Variants in AP3D1 observed in about 807,000 individuals in gnomAD.
AP3D1 encodes adaptor related protein complex 3 subunit delta 1.
A neutral mutation model predicts 147.6 loss-of-function variants in AP3D1; 51 were observed. The ratio of observed to expected loss-of-function variants is 0.35; its 90% CI spans 0.28 to 0.44. The LOEUF is 0.44. Among genes scored for constraint, AP3D1 ranks in the 20% least tolerant of loss-of-function variants. AP3D1 has a pLI of 1.00. For missense variants in AP3D1, 1,421 were observed against 1,624.2 expected (o/e 0.87, Z 2.15); for synonymous variants, 760 against 663.0 (o/e 1.15, Z -2.25).
chr19:2,163,274 A>G (rs956009414), intron 1 of AP3D1, among the ~76,000 whole-genome samples: 4 of 152,034 alleles, frequency 2.6e-5, no homozygotes, highest in Admixed American at 6.6e-5. Context: ...GGGTTTCACC[A>G]TGTTGGCCAG....
At position 2,132,518 on chromosome 19, in the gene AP3D1, CG is replaced by C. The variant is rs1568298547; in HGVS notation, c.414del (p.Phe138LeufsTer15). On this transcript the variant is annotated frameshift_variant, in exon 5 of 32. Transcript: ENST00000643116. LOFTEE classifies it high-confidence loss of function. ...TGVALTGLSC[F>X]VTPDLARDLA... The stretch of plus-strand genomic sequence containing the variant: ...AGGTCTCTGGCAAGGTCTGGGGTGA[CG>C]AAGCAGGACAGACCCGTCAGTGCAA... 6.2e-7 allele frequency: 1 copy of C among 1,611,258 alleles called. No homozygotes were observed. The highest frequency in any genetic ancestry group is 8.5e-7 in the Non-Finnish European group (1 of 1,177,708).
chr19:2,146,921 G>A (rs2019371455), intron 1 of AP3D1, among the ~76,000 whole-genome samples: 1 of 152,184 alleles, frequency 6.6e-6, no homozygotes, highest in African/African-American at 2.4e-5. Context: ...GTGGGGGCGG[G>A]GATGCTGCTC....
chr19:2,128,030 C>T lies in AP3D1; in HGVS notation c.807-829G>A, dbSNP rs190980647. Among the ~76,000 whole-genome samples the T allele has an allele frequency of 4.1e-3, 624 of 152,316 alleles. 7 individuals carry two copies. The highest frequency in any genetic ancestry group is 0.014 in the African/African-American group (573 of 41,562). On this transcript the variant is annotated intron_variant, in intron 8 of 31. Coordinates refer to ENST00000643116, the MANE Select transcript of AP3D1 (RefSeq NM_001261826.3). Reference sequence around the variant, plus strand: ...ACATGGTGAAATGTACTAATGACACCCTTCTGTGAATGTGTCCTTGTTGCC... The same window carrying T: ...ACATGGTGAAATGTACTAATGACACTCTTCTGTGAATGTGTCCTTGTTGCC...
rs568784323 is a variant in AP3D1 at position 2,113,337 on chromosome 19, G to A, written c.2678C>T (p.Thr893Met). The A allele has an allele frequency of 2.9e-5, 41 of 1,410,310 alleles. No homozygotes were observed. Among genetic ancestry groups the A allele is most frequent in the Non-Finnish European group, 3.9e-5 (41 of 1,051,116 alleles). 87.4% of individuals were successfully genotyped at this position (1,410,310 alleles called of 1,614,324 possible). The change falls in exon 23 of 32, where the codon ACG becomes ATG. Residue 893 changes from threonine (T) to methionine (M), a missense_variant and splice_region_variant. Transcript: ENST00000643116. The stretch of plus-strand genomic sequence containing the variant: ...ACTGGCCAGCTGCCAGTCTCTTACC[G>A]TGGATGGAACGGGGGCGGGGGCGGG... The part of the protein sequence containing the change: ...PAPAPAPVPS[T>M]GELSVNTVTT...
At chr19:2,119,038 GGA>G (rs2018537934) in intron 14 of AP3D1, among the ~76,000 whole-genome samples, 1 of 152,218 alleles carries the variant, frequency 6.6e-6, no homozygotes, top group Non-Finnish European at 1.5e-5. Context: ...GCAGAGATGT[GGA>G]GATGACAGAG....
intron 18 of AP3D1, 57 bp from the exon 19 acceptor site, chr19:2,115,670 A>G: frequency 6.4e-7 from 1 of 1,556,974 alleles, no homozygotes. Context: ...CACGTGCAAG[A>G]CAAGCCTCGG....
intron 1 of AP3D1, among the ~76,000 whole-genome samples, chr19:2,159,000 ATT>A (rs34091780): frequency 1.3e-5 from 2 of 149,026 alleles, no homozygotes; most frequent in Non-Finnish European, 3.0e-5. Context: ...TTCTGTTATA[ATT>A]TTTTTTTTTA....
intron 1 of AP3D1, chr19:2,164,186 TG>T (rs1268868586): frequency 2.7e-6 from 3 of 1,126,320 alleles, no homozygotes; most frequent in Non-Finnish European, 1.1e-6. Context: ...CGCGCGGACA[TG>T]GGGGAGAAGC....
At chr19:2,161,508 T>C (rs920343107) in intron 1 of AP3D1, among the ~76,000 whole-genome samples, 16 of 152,102 alleles carry the variant, frequency 1.1e-4, no homozygotes, top group African/African-American at 3.6e-4. Context: ...TAGATAAAAG[T>C]TCTTTTTTTT....
At chr19:2,117,078 G>T in intron 16 of AP3D1, 144 bp downstream of exon 16, 3 of 1,088,752 alleles carry the variant, frequency 2.8e-6, no homozygotes, top group Non-Finnish European at 3.8e-6. Context: ...GTGAGTCCGT[G>T]TGAGGGATAT....
intron 1 of AP3D1, among the ~76,000 whole-genome samples, chr19:2,160,290 G>A (rs180934981): frequency 2.0e-3 from 297 of 152,210 alleles, no homozygotes; most frequent in African/African-American, 6.9e-3. Flanking sequence ...CACCTTGGGA[G>A]ACCAAAGCAG....
chr19:2,116,947 A>G, intron 16 of AP3D1: 2 of 881,752 alleles, frequency 2.3e-6, no homozygotes, highest in East Asian at 5.7e-5. Context: ...GCAGGGTCAC[A>G]GTGGGGCCCC....
At chr19:2,137,553 T>G (rs540336012) in intron 3 of AP3D1, among the ~76,000 whole-genome samples, 174 bp downstream of exon 3, 1 of 152,232 alleles carries the variant, frequency 6.6e-6, no homozygotes, top group African/African-American at 2.4e-5. Flanking sequence ...CAACCTCAGG[T>G]GATCCGCCTG....
At chr19:2,131,679 G>A (rs1356232484) in intron 5 of AP3D1, among the ~76,000 whole-genome samples, 2 of 75,318 alleles carry the variant, frequency 2.7e-5, no homozygotes. Context: ...CGGGGACTGC[G>A]CCCATCGGCC....
chr19:2,104,254 C>T (rs1399964347), intron 31 of AP3D1, among the ~76,000 whole-genome samples: 6 of 150,900 alleles, frequency 4.0e-5, no homozygotes, highest in South Asian at 2.1e-4. Flanking sequence ...ACCCCAACAC[C>T]GAGGCACCAA....
intron 24 of AP3D1, 21 bp downstream of exon 24, chr19:2,112,839 C>G: frequency 6.3e-7 from 1 of 1,594,994 alleles, no homozygotes; most frequent in South Asian, 1.1e-5. Context: ...TCCACAGCCC[C>G]TGGGGGAGTG....
At chr19:2,119,490 G>C (rs932955346) in intron 14 of AP3D1, among the ~76,000 whole-genome samples, 8 of 152,034 alleles carry the variant, frequency 5.3e-5, no homozygotes, top group Admixed American at 5.2e-4. Context: ...TCAACAGATC[G>C]AGACCATCCT....
intron 4 of AP3D1, among the ~76,000 whole-genome samples, chr19:2,135,806 A>G (rs975133036): frequency 1.3e-5 from 2 of 152,138 alleles, no homozygotes; most frequent in African/African-American, 4.8e-5. Context: ...AAGAGACACA[A>G]AGCTGGGCAC....
At position 2,129,851 on chromosome 19, in the gene AP3D1, C is replaced by T. The variant is rs554645938; in HGVS notation, c.593-394G>A. Among the ~76,000 whole-genome samples the T allele has an allele frequency of 3.9e-4, 60 of 152,306 alleles. No individual in the cohort carries two copies. The East Asian group carries it at 9.6e-3, about 24-fold the overall frequency. ...ATGCCCACCACTCCAGGGAGAAGCTCGCCCATCGGGTCCCGGGCTTAGGGC... is the reference window on the plus strand; with the variant it reads ...ATGCCCACCACTCCAGGGAGAAGCTTGCCCATCGGGTCCCGGGCTTAGGGC... On this transcript the variant is annotated intron_variant, in intron 6 of 31. Transcript: ENST00000643116.
Sources: gnomAD v4.1 joint callset for allele counts (sites outside exome capture counted in the v4.1 genomes callset) on GRCh38, gnomAD v4.1.1 for gene constraint, MANE v1.5 for transcripts, NCBI Gene and HGNC (gene_info 2026-07-23, HGNC 2026-07-21) for gene names.